Variants in ZNF521 observed in about 807,000 individuals in gnomAD.
ZNF521 encodes the protein LYST-interacting protein 3.
ZNF521 carries 14 observed loss-of-function variants against 105.5 expected under a neutral mutation model. The observed-to-expected ratio is 0.13, with a 90% CI of 0.09 to 0.21. The LOEUF is 0.21. ZNF521 is among the 10% of genes least tolerant of loss of function. The probability of loss-of-function intolerance (pLI) is 1.00; values close to 1 mark genes in which losing one functional copy is unlikely to be tolerated. For synonymous variants in ZNF521, 635 were observed against 606.0 expected (o/e 1.05, Z -0.70); for missense variants, 1,233 against 1,629.7 (o/e 0.76, Z 4.19).
At chr18:25,333,286 T>A (rs1429495040) in intron 2 of ZNF521, among the ~76,000 whole-genome samples, 1 of 139,388 alleles carries the variant, frequency 7.2e-6, no homozygotes, top group Non-Finnish European at 1.5e-5. Context: ...AGCATGTGGT[T>A]TAATAAGGAC....
intron 6 of ZNF521, among the ~76,000 whole-genome samples, chr18:25,091,334 T>C (rs1392713868): frequency 6.7e-6 from 1 of 150,172 alleles, no homozygotes; most frequent in Non-Finnish European, 1.5e-5. Flanking sequence ...TCAGATTTAC[T>C]TTTTTTTTTC....
rs543008217 is a variant in ZNF521 at position 25,329,545 on chromosome 18, G to A, written c.41-7358C>T. Among the ~76,000 whole-genome samples, 115 of 152,248 alleles carry A rather than the reference G, an allele frequency of 7.6e-4. 1 individual carries two copies. Among genetic ancestry groups the A allele is most frequent in the Middle Eastern group, 3.4e-3 (1 of 294 alleles). On this transcript the variant is annotated intron_variant, in intron 2 of 7. Coordinates refer to ENST00000361524, the MANE Select transcript of ZNF521 (RefSeq NM_015461.3). Reference sequence around the variant, plus strand: ...GAAACAAAGGTAAGGCCACAGATACGTAAAACAACATGATGACTTCAAAGA... The same window carrying A: ...GAAACAAAGGTAAGGCCACAGATACATAAAACAACATGATGACTTCAAAGA...
At chr18:25,203,433 G>A (rs1212874427) in intron 4 of ZNF521, among the ~76,000 whole-genome samples, 1 of 152,106 alleles carries the variant, frequency 6.6e-6, no homozygotes, top group East Asian at 1.9e-4. Context: ...TCTGGGCAAG[G>A]TAGCAAGACC....
intron 3 of ZNF521, among the ~76,000 whole-genome samples, chr18:25,308,124 C>G (rs1446451463): frequency 6.7e-6 from 1 of 149,986 alleles, no homozygotes; most frequent in Non-Finnish European, 1.5e-5. Flanking sequence ...ATCACTTGAA[C>G]CCGGCAGGCG....
At chr18:25,150,569 GAGA>G (rs1312378259) in intron 5 of ZNF521, among the ~76,000 whole-genome samples, 7 of 152,296 alleles carry the variant, frequency 4.6e-5, no homozygotes, top group African/African-American at 1.7e-4. Flanking sequence ...GAAAAACCAA[GAGA>G]AGAAGATGTC....
At chr18:25,101,299 A>G (rs2033961641) in intron 5 of ZNF521, among the ~76,000 whole-genome samples, 1 of 152,120 alleles carries the variant, frequency 6.6e-6, no homozygotes, top group Non-Finnish European at 1.5e-5. Flanking sequence ...TAGGGGTTCC[A>G]CATATACTGA....
At chr18:25,176,895 G>A (rs1316883406) in intron 5 of ZNF521, among the ~76,000 whole-genome samples, 1 of 152,188 alleles carries the variant, frequency 6.6e-6, no homozygotes, top group East Asian at 1.9e-4. Context: ...ACGCTCCCTG[G>A]CTGGCTCCAA....
At chr18:25,159,306 A>AC (rs1445485789) in intron 5 of ZNF521, among the ~76,000 whole-genome samples, 1 of 152,222 alleles carries the variant, frequency 6.6e-6, no homozygotes, top group Non-Finnish European at 1.5e-5. Context: ...TCTTCACAGT[A>AC]CATTTATTTG....
At chr18:25,219,781 T>A (rs373258140) in intron 4 of ZNF521, among the ~76,000 whole-genome samples, 1 of 152,182 alleles carries the variant, frequency 6.6e-6, no homozygotes, top group African/African-American at 2.4e-5. Flanking sequence ...TGGACCACTG[T>A]ACTCCAGCCT....
intron 5 of ZNF521, among the ~76,000 whole-genome samples, chr18:25,179,869 T>C (rs1025515294): frequency 2.0e-5 from 3 of 152,096 alleles, no homozygotes; most frequent in Non-Finnish European, 4.4e-5. Context: ...ACACACACAT[T>C]TAAATACACA....
chr18:25,347,965 G>A (rs559399000), intron 2 of ZNF521, among the ~76,000 whole-genome samples: 1 of 152,232 alleles, frequency 6.6e-6, no homozygotes, highest in African/African-American at 2.4e-5. Flanking sequence ...ATTTAGAAGG[G>A]CCTATTGCAT....
At chr18:25,279,773 G>A (rs981128464) in intron 3 of ZNF521, among the ~76,000 whole-genome samples, 4 of 152,086 alleles carry the variant, frequency 2.6e-5, no homozygotes, top group Admixed American at 6.6e-5. Context: ...GGGTTCTAAT[G>A]ACTAACCACT....
At chr18:25,078,169 G>A (rs1193093442) in intron 7 of ZNF521, among the ~76,000 whole-genome samples, 2 of 152,142 alleles carry the variant, frequency 1.3e-5, no homozygotes, top group Non-Finnish European at 2.9e-5. Context: ...GGGGCGGCTG[G>A]GGGTCCTTTG....
chr18:25,230,219 A>G (rs1276024697), intron 3 of ZNF521, among the ~76,000 whole-genome samples: 2 of 152,220 alleles, frequency 1.3e-5, no homozygotes, highest in Non-Finnish European at 2.9e-5. Context: ...AGGCGTGGGG[A>G]TTGAGCAGAA....
At chr18:25,312,735 C>T (rs1255442528) in intron 3 of ZNF521, among the ~76,000 whole-genome samples, 1 of 56,712 alleles carries the variant, frequency 1.8e-5, no homozygotes, top group South Asian at 3.7e-4. Context: ...GGCGTGAACC[C>T]GGGAAGCGGA....
chr18:25,230,261 A>G (rs1906449210), intron 3 of ZNF521, among the ~76,000 whole-genome samples: 1 of 152,260 alleles, frequency 6.6e-6, no homozygotes, highest in African/African-American at 2.4e-5. Flanking sequence ...TAATACTTAT[A>G]GAAAAATAAA....
chr18:25,102,439 G>A lies in ZNF521; in HGVS notation c.3659-10358C>T, dbSNP rs142878847. Among the ~76,000 whole-genome samples the A allele has an allele frequency of 4.6e-5, 7 of 152,058 alleles. No individual in the cohort carries two copies. In the East Asian group the frequency reaches 1.4e-3, roughly 29 times the overall value. On this transcript the variant is annotated intron_variant, in intron 5 of 7. Transcript: ENST00000361524. Reference sequence around the variant, plus strand: ...CATTTGGCTGAACACTGGAGCACTGGATAAAATTTAGAAGGAGCTTGGAGA... The same window carrying A: ...CATTTGGCTGAACACTGGAGCACTGAATAAAATTTAGAAGGAGCTTGGAGA...
At chr18:25,161,930 A>G (rs1260719233) in intron 5 of ZNF521, among the ~76,000 whole-genome samples, 1 of 152,182 alleles carries the variant, frequency 6.6e-6, no homozygotes, top group Non-Finnish European at 1.5e-5. Context: ...GCGGGTTACA[A>G]CATGACAAGC....
chr18:25,070,313 C>A (rs2033186461), intron 7 of ZNF521, among the ~76,000 whole-genome samples: 1 of 152,154 alleles, frequency 6.6e-6, no homozygotes. Flanking sequence ...GTTCTCTGGA[C>A]ATTTGTGCTA....
Sources: allele counts gnomAD v4.1 joint callset (sites outside exome capture counted in the v4.1 genomes callset), GRCh38; gene constraint gnomAD v4.1.1; transcripts MANE v1.5; gene names NCBI Gene and HGNC (gene_info 2026-07-23, HGNC 2026-07-21).